The following ERBB4 variants were observed in gnomAD, a reference collection of about 807,000 sequenced individuals.
ERBB4 encodes the protein erb-b2 receptor tyrosine kinase 4.
Under a neutral mutation model 158.0 loss-of-function variants are expected in ERBB4, and 42 were observed. That is an observed-to-expected ratio of 0.27 (90% CI 0.21 to 0.34). The LOEUF (loss-of-function observed/expected upper bound fraction) is 0.34. ERBB4 is among the 10% of genes least tolerant of loss of function. The pLI is 1.00. For synonymous variants in ERBB4, 583 were observed against 558.7 expected, an observed-to-expected ratio of 1.04 and a Z score of -0.61; for missense variants, 1,333 against 1,624.1, an observed-to-expected ratio of 0.82 and a Z score of 3.08.
chr2:212,273,644 T>C (rs1000790174), intron 1 of ERBB4, among the ~76,000 whole-genome samples: 2 of 151,862 alleles, frequency 1.3e-5, no homozygotes, highest in Non-Finnish European at 2.9e-5. Flanking sequence ...TAATCACTAA[T>C]AACATTTAGT....
At chr2:211,976,795 A>C (rs1202012756) in intron 2 of ERBB4, among the ~76,000 whole-genome samples, 1 of 152,196 alleles carries the variant, frequency 6.6e-6, no homozygotes, top group Non-Finnish European at 1.5e-5. Context: ...ACAATGGCTA[A>C]GCTAAAAAGA....
chr2:211,556,019 G>C (rs1019097669), intron 20 of ERBB4, among the ~76,000 whole-genome samples: 1 of 152,118 alleles, frequency 6.6e-6, no homozygotes, highest in African/African-American at 2.4e-5. Context: ...TAAAGGCACA[G>C]AGTGGCAAGC....
At chr2:211,839,526 T>C (rs1307559590) in intron 3 of ERBB4, among the ~76,000 whole-genome samples, 3 of 152,110 alleles carry the variant, frequency 2.0e-5, no homozygotes, top group Non-Finnish European at 4.4e-5. Flanking sequence ...ATGTAACTAT[T>C]TTTCCACAGT....
At chr2:211,725,611 ACTCTGT>A (rs2074242983) in intron 5 of ERBB4, among the ~76,000 whole-genome samples, 1 of 152,000 alleles carries the variant, frequency 6.6e-6, no homozygotes, top group African/African-American at 2.4e-5. Flanking sequence ...GCATAGTGGG[ACTCTGT>A]CTCTAAAATT....
At chr2:212,147,638 CTCAGCAGAATT>C (rs2080726181) in intron 1 of ERBB4, among the ~76,000 whole-genome samples, 1 of 152,130 alleles carries the variant, frequency 6.6e-6, no homozygotes, top group Non-Finnish European at 1.5e-5. Context: ...GAAGCATCTT[CTCAGCAGAATT>C]GAATAAATTG....
chr2:212,530,213 T>C (rs2106339943), intron 1 of ERBB4, among the ~76,000 whole-genome samples: 1 of 152,260 alleles, frequency 6.6e-6, no homozygotes, highest in East Asian at 1.9e-4. Flanking sequence ...GACCAGATGA[T>C]GCTTATAAAA....
At chr2:212,174,824 T>C (rs2081612873) in intron 1 of ERBB4, among the ~76,000 whole-genome samples, 1 of 152,064 alleles carries the variant, frequency 6.6e-6, no homozygotes. Flanking sequence ...TCTTAAAGAA[T>C]TTAAATTGCT....
At chr2:211,472,953 T>C (rs1046750064) in intron 20 of ERBB4, among the ~76,000 whole-genome samples, 7 of 151,670 alleles carry the variant, frequency 4.6e-5, no homozygotes, top group African/African-American at 1.5e-4. Context: ...ATTTTGACTG[T>C]AGGATATAAT....
rs1285084868 is a variant in ERBB4 at position 211,428,462 on chromosome 2, G to C, written c.2665C>G (p.Leu889Val). 6.3e-7 allele frequency: 1 copy of C among 1,579,474 alleles called. No homozygotes were observed. The highest frequency in any genetic ancestry group is 2.2e-5 in the East Asian group (1 of 44,520). ...AATTTCCTGTAATGTATACACTCCA[G>C]AGCCATCCATTTAATTGGCATCTAT... ...GGKMPIKWMA[L>V]ECIHYRKFTH... Residue 889 changes from leucine to valine, a missense_variant, in exon 22 of 28, where the codon CTG becomes GTG. This residue lies in a region of ERBB4 where 314 missense variants were observed against 437.6 expected (regional missense o/e 0.72). Coordinates refer to ENST00000342788, the MANE Select transcript of ERBB4 (RefSeq NM_005235.3).
At chr2:212,526,322 A>T (rs1450241278) in intron 1 of ERBB4, among the ~76,000 whole-genome samples, 1 of 152,066 alleles carries the variant, frequency 6.6e-6, no homozygotes, top group African/African-American at 2.4e-5. Context: ...GCAATACAGT[A>T]AGCACAGAAA....
chr2:212,397,130 A>G lies in ERBB4; in HGVS notation c.82+141319T>C, dbSNP rs183843987. ...TAAATGTCTTATTTTTCCAGATGTC[A>G]GAATATTGTCCTGTAATATAGTTAT... On this transcript the variant is annotated intron_variant, in intron 1 of 27. Coordinates refer to ENST00000342788, the MANE Select transcript of ERBB4 (RefSeq NM_005235.3). Among the ~76,000 whole-genome samples the G allele has an allele frequency of 8.3e-3, 1,267 of 152,214 alleles. 13 individuals are homozygous for G. Among genetic ancestry groups the G allele is most frequent in the Non-Finnish European group, 0.015 (1,036 of 68,006 alleles).
At chr2:212,486,336 A>G (rs190199825) in intron 1 of ERBB4, among the ~76,000 whole-genome samples, 1 of 152,174 alleles carries the variant, frequency 6.6e-6, no homozygotes, top group African/African-American at 2.4e-5. Flanking sequence ...GATTTTTATT[A>G]GAACTAAAGT....
At chr2:212,238,941 T>C (rs954951246) in intron 1 of ERBB4, among the ~76,000 whole-genome samples, 1 of 152,198 alleles carries the variant, frequency 6.6e-6, no homozygotes, top group African/African-American at 2.4e-5. Flanking sequence ...ATGAAAAGAA[T>C]AATTGAAAGA....
intron 13 of ERBB4, among the ~76,000 whole-genome samples, chr2:211,676,793 T>C (rs2072093765): frequency 7.8e-6 from 1 of 128,026 alleles, no homozygotes; most frequent in Non-Finnish European, 1.7e-5. Context: ...GAAATTAGTC[T>C]ATTGTGTTTC....
intron 1 of ERBB4, among the ~76,000 whole-genome samples, chr2:212,339,108 T>C (rs2088581518): frequency 6.6e-6 from 1 of 152,174 alleles, no homozygotes; most frequent in Non-Finnish European, 1.5e-5. Flanking sequence ...TGTCAAACCA[T>C]CACTTACATA....
At chr2:211,652,976 A>AC (rs1373940532) in intron 16 of ERBB4, among the ~76,000 whole-genome samples, 1 of 152,180 alleles carries the variant, frequency 6.6e-6, no homozygotes, top group African/African-American at 2.4e-5. Context: ...AAACAAACAA[A>AC]AAAAAATCTT....
chr2:212,341,355 T>A (rs1331152714), intron 1 of ERBB4, among the ~76,000 whole-genome samples: 4 of 152,008 alleles, frequency 2.6e-5, no homozygotes, highest in Non-Finnish European at 4.4e-5. Flanking sequence ...TATCCAGAAA[T>A]GTCTTAAATT....
At chr2:212,375,437 A>G (rs2090286115) in intron 1 of ERBB4, among the ~76,000 whole-genome samples, 2 of 152,134 alleles carry the variant, frequency 1.3e-5, no homozygotes, top group South Asian at 4.1e-4. Context: ...TTGTAATGCA[A>G]CAATTCTACC....
At chr2:211,793,471 ACTAT>A (rs2076320294) in intron 3 of ERBB4, among the ~76,000 whole-genome samples, 2 of 151,962 alleles carry the variant, frequency 1.3e-5, no homozygotes, top group Admixed American at 6.6e-5. Context: ...TCAGACTTAT[ACTAT>A]CTATCTAAGT....
Sources: gnomAD v4.1 joint callset for allele counts (sites outside exome capture counted in the v4.1 genomes callset) on GRCh38, gnomAD v4.1.1 for gene constraint, gnomAD v4.1.1 regional missense constraint, MANE v1.5 for transcripts, NCBI Gene and HGNC (gene_info 2026-07-23, HGNC 2026-07-21) for gene names.